Variants in TRABD2B observed in about 807,000 individuals in gnomAD.
TRABD2B encodes the protein TraB domain containing 2B, also known as metalloprotease TIKI2.
TRABD2B carries 14 observed loss-of-function variants against 40.1 expected under a neutral mutation model. The observed-to-expected ratio is 0.35, with a 90% CI of 0.23 to 0.55. The LOEUF (loss-of-function observed/expected upper bound fraction) is 0.55. Ranked by LOEUF, TRABD2B falls within the 20% of genes least tolerant of loss-of-function variation. TRABD2B has a pLI of 0.90. For missense variants in TRABD2B, 541 were observed against 648.6 expected (o/e 0.83, Z 1.80); for synonymous variants, 263 against 277.0 (o/e 0.95, Z 0.50).
chr1:47,837,800 G>A (rs1255226148), intron 2 of TRABD2B, among the ~76,000 whole-genome samples: 1 of 152,216 alleles, frequency 6.6e-6, no homozygotes, highest in Non-Finnish European at 1.5e-5. Context: ...TATGGGCCAG[G>A]CCTTTTCCAG....
intron 2 of TRABD2B, among the ~76,000 whole-genome samples, chr1:47,943,842 T>C (rs991244028): frequency 3.3e-5 from 5 of 151,770 alleles, no homozygotes; most frequent in Admixed American, 2.0e-4. Context: ...TTATGAGATA[T>C]GCCTTCAAAT....
At chr1:47,879,186 G>A (rs1644266453) in intron 2 of TRABD2B, among the ~76,000 whole-genome samples, 1 of 151,716 alleles carries the variant, frequency 6.6e-6, no homozygotes, top group Non-Finnish European at 1.5e-5. Context: ...GTATTCACCA[G>A]TATATGGCCT....
intron 4 of TRABD2B, among the ~76,000 whole-genome samples, chr1:47,781,838 G>A (rs1237163261): frequency 6.6e-6 from 1 of 152,186 alleles, no homozygotes; most frequent in Non-Finnish European, 1.5e-5. Context: ...CCCTCTCTGG[G>A]CTTGGTTTCA....
rs950922400 is a variant in TRABD2B at position 47,832,168 on chromosome 1, T to TA, written c.667-30550dup. Among the ~76,000 whole-genome samples the TA allele has an allele frequency of 5.3e-5, 8 of 151,912 alleles. 1 individual carries two copies. The highest frequency in any genetic ancestry group is 2.0e-4 in the Admixed American group (3 of 15,256). ...TAATGTGGTGAAGCCCCATCTCTAC[T>TA]AAAAAAATACAAAAATTGGCCAGGC... On this transcript the variant is annotated intron_variant, in intron 2 of 6. Coordinates refer to ENST00000606738, the MANE Select transcript of TRABD2B (RefSeq NM_001194986.2).
intron 2 of TRABD2B, among the ~76,000 whole-genome samples, chr1:47,980,562 G>A (rs1047309373): frequency 1.3e-5 from 2 of 152,168 alleles, no homozygotes; most frequent in Non-Finnish European, 2.9e-5. Context: ...AGCTACTGAG[G>A]CAAATTGAAC....
At chr1:47,989,372 A>T (rs1247390248) in intron 2 of TRABD2B, among the ~76,000 whole-genome samples, 1 of 152,158 alleles carries the variant, frequency 6.6e-6, no homozygotes, top group Non-Finnish European at 1.5e-5. Context: ...GGAATCAGGG[A>T]TGGTCACATC....
At chr1:47,946,707 T>C (rs1337083038) in intron 2 of TRABD2B, among the ~76,000 whole-genome samples, 1 of 152,212 alleles carries the variant, frequency 6.6e-6, no homozygotes, top group Admixed American at 6.5e-5. Flanking sequence ...CTCTTATAAT[T>C]TCTTGGCCTT....
chr1:47,781,937 C>A (rs1644529847), intron 4 of TRABD2B, among the ~76,000 whole-genome samples: 2 of 152,244 alleles, frequency 1.3e-5, no homozygotes, highest in African/African-American at 2.4e-5. Context: ...ACTTCTCTCA[C>A]TGCCCCCTAT....
At chr1:47,859,845 C>T (rs1643941277) in intron 2 of TRABD2B, among the ~76,000 whole-genome samples, 1 of 152,216 alleles carries the variant, frequency 6.6e-6, no homozygotes, top group Non-Finnish European at 1.5e-5. Flanking sequence ...AATGATCACT[C>T]CTCACATCGA....
intron 4 of TRABD2B, among the ~76,000 whole-genome samples, chr1:47,789,348 T>C (rs1216021397): frequency 2.6e-5 from 4 of 152,134 alleles, no homozygotes; most frequent in Non-Finnish European, 4.4e-5. Flanking sequence ...GTTCCTAGCA[T>C]AGACAGAGCA....
At chr1:47,991,198 G>A (rs952267915) in intron 2 of TRABD2B, among the ~76,000 whole-genome samples, 5 of 151,968 alleles carry the variant, frequency 3.3e-5, no homozygotes, top group African/African-American at 1.2e-4. Context: ...CGTGACCTTG[G>A]GCAAGTCATT....
intron 4 of TRABD2B, among the ~76,000 whole-genome samples, chr1:47,791,812 G>A (rs2124197851): frequency 6.6e-6 from 1 of 152,328 alleles, no homozygotes; most frequent in East Asian, 1.9e-4. Flanking sequence ...ATGTCAATAG[G>A]ATGACTCTGT....
chr1:47,939,703 G>A (rs892125316), intron 2 of TRABD2B, among the ~76,000 whole-genome samples: 1 of 152,192 alleles, frequency 6.6e-6, no homozygotes, highest in Non-Finnish European at 1.5e-5. Flanking sequence ...CACTGTTACA[G>A]ACAGGAAAAC....
intron 1 of TRABD2B, among the ~76,000 whole-genome samples, chr1:47,995,046 T>C (rs1646070303): frequency 6.6e-6 from 1 of 152,052 alleles, no homozygotes; most frequent in Non-Finnish European, 1.5e-5. Context: ...TCACCGGTGG[T>C]GTTTCATGCG....
intron 2 of TRABD2B, among the ~76,000 whole-genome samples, chr1:47,884,695 CCTCT>C (rs1054612610): frequency 6.6e-6 from 1 of 152,048 alleles, no homozygotes; most frequent in Non-Finnish European, 1.5e-5. Flanking sequence ...CTCACTGCAA[CCTCT>C]CTACCTCCCA....
intron 2 of TRABD2B, among the ~76,000 whole-genome samples, chr1:47,809,485 C>T (rs569593123): frequency 8.5e-4 from 130 of 152,320 alleles, no homozygotes; most frequent in Middle Eastern, 3.4e-3. Context: ...GGAGGAGCTG[C>T]GCCTGCTAGA....
In TRABD2B at chr1:47,857,307, C is replaced by G. The variant is rs142295406; in HGVS notation, c.667-55688G>C. On this transcript the variant is annotated intron_variant, in intron 2 of 6. Coordinates refer to ENST00000606738, the MANE Select transcript of TRABD2B (RefSeq NM_001194986.2). Reference sequence around the variant, plus strand: ...TTCCTGAAGCCACTCCCAGAGCTTGCTGCCTGAGCTCTCATCTTCTTAGCC... The same window carrying G: ...TTCCTGAAGCCACTCCCAGAGCTTGGTGCCTGAGCTCTCATCTTCTTAGCC... Among the ~76,000 whole-genome samples the G allele has an allele frequency of 5.0e-4, 76 of 152,308 alleles. 1 individual carries two copies. In the East Asian group the frequency reaches 0.014, roughly 29 times the overall value.
intron 2 of TRABD2B, among the ~76,000 whole-genome samples, chr1:47,961,150 G>A (rs1227574400): frequency 6.6e-6 from 1 of 152,164 alleles, no homozygotes; most frequent in African/African-American, 2.4e-5. Flanking sequence ...GGGAAAACTG[G>A]CTAGCCATAT....
intron 2 of TRABD2B, among the ~76,000 whole-genome samples, chr1:47,948,574 A>T (rs1375013576): frequency 6.6e-6 from 1 of 152,212 alleles, no homozygotes; most frequent in East Asian, 1.9e-4. Flanking sequence ...TTAAAAAATC[A>T]GACCATATTT....
Sources: allele counts gnomAD v4.1 joint callset (sites outside exome capture counted in the v4.1 genomes callset), GRCh38; gene constraint gnomAD v4.1.1; transcripts MANE v1.5; gene names NCBI Gene and HGNC (gene_info 2026-07-23, HGNC 2026-07-21).